Variants in OSGEP observed in about 807,000 individuals in gnomAD.
OSGEP encodes O-sialoglycoprotein endopeptidase, also known as tRNA N6-adenosine threonylcarbamoyltransferase.
A neutral mutation model predicts 44.1 loss-of-function variants in OSGEP; 39 were observed. The ratio of observed to expected loss-of-function variants is 0.88; its 90% CI spans 0.69 to 1.16. The LOEUF is 1.16. OSGEP is among the 50% of genes most tolerant of loss of function. OSGEP has a pLI of 0.00. For synonymous variants in OSGEP, 139 were observed against 161.9 expected, an observed-to-expected ratio of 0.86 and a Z score of 1.07; for missense variants, 403 against 443.1, an observed-to-expected ratio of 0.91 and a Z score of 0.81.
intron 1 of OSGEP, among the ~76,000 whole-genome samples, chr14:20,452,985 G>A (rs947752311): frequency 6.6e-6 from 1 of 152,146 alleles, no homozygotes; most frequent in Non-Finnish European, 1.5e-5. Flanking sequence ...TGGGATTACA[G>A]GCCTGAGCCA....
At chr14:20,447,343 C>T in intron 10 of OSGEP, 64 bp from the exon 11 acceptor site, 2 of 1,604,058 alleles carry the variant, frequency 1.2e-6, no homozygotes, top group African/African-American at 1.3e-5. Flanking sequence ...TCTTCTCTGC[C>T]CTCATGTTCC....
At position 20,454,738 on chromosome 14, in the gene OSGEP, G is replaced by C; in HGVS notation, c.-55C>G. 2 of 1,352,930 alleles carry C rather than the reference G, an allele frequency of 1.5e-6. No individual in the cohort carries two copies. Among genetic ancestry groups the C allele is most frequent in the Non-Finnish European group, 2.1e-6 (2 of 948,122 alleles). 83.8% of individuals were successfully genotyped at this position (1,352,930 alleles called of 1,614,324 possible). ...ACTCCTGGCAATGTCAGGAGCTGTG[G>C]AGGTCCTCACTAGTCCGCGCTGGGC... On this transcript the variant is annotated 5_prime_UTR_variant, in exon 1 of 11. Transcript: ENST00000206542.
At chr14:20,449,576 G>C in intron 3 of OSGEP, 2 of 307,602 alleles carry the variant, frequency 6.5e-6, no homozygotes, top group Non-Finnish European at 6.2e-6. Flanking sequence ...AGTCTTGATA[G>C]TAGGTAACCG....
Position 20,446,956 on chromosome 14 carries a change from AAAG to A in OSGEP, c.*281_*283del. 2.5e-6 allele frequency: 1 copy of A among 402,994 alleles called. No homozygotes were observed. 25.0% of individuals were successfully genotyped at this position (402,994 alleles called of 1,614,324 possible). On this transcript the variant is annotated 3_prime_UTR_variant, in exon 11 of 11. Transcript: ENST00000206542. ...GATTCCGTTTCTTAAAAAAAAAAAA[AAAG>A]ATACCTCATTCTTGGTTCCACAGCA... is the stretch of plus-strand genomic sequence containing the variant.
intron 3 of OSGEP, chr14:20,449,608 G>T (rs1306550373): frequency 2.2e-5 from 6 of 274,092 alleles, no homozygotes; most frequent in African/African-American, 6.6e-5. Context: ...TGGAGGCAGA[G>T]AACATGAATC....
At chr14:20,448,281 T>G (rs1881012118) in intron 6 of OSGEP, 110 bp from the exon 7 acceptor site, 1 of 852,148 alleles carries the variant, frequency 1.2e-6, no homozygotes, top group African/African-American at 1.6e-5. Flanking sequence ...CAATTCAAGT[T>G]ACCAGCACAT....
rs1183072003 is a variant in OSGEP at position 20,446,631 on chromosome 14, C to G, written c.*609G>C. 1 of 152,300 alleles carries G rather than the reference C, an allele frequency of 6.6e-6. No individual in the cohort carries two copies. The highest frequency in any genetic ancestry group is 2.4e-5 in the African/African-American group (1 of 41,428). The allele number at this position is 152,300 out of a possible 1,614,324, so 9.4% of individuals were successfully genotyped here. Reference sequence around the variant, plus strand: ...TTTACATTTTTCAAATAGATGGTGTCTTGCTATTTGCCCAGGCTGGGCTCA... The same window carrying G: ...TTTACATTTTTCAAATAGATGGTGTGTTGCTATTTGCCCAGGCTGGGCTCA... On this transcript the variant is annotated 3_prime_UTR_variant, in exon 11 of 11. Transcript: ENST00000206542.
At chr14:20,451,392 C>T (rs3120068) in intron 3 of OSGEP, 126,852 of 217,426 alleles carry the variant, frequency 0.58, 37,548 homozygotes, top group Middle Eastern at 0.61. Flanking sequence ...CCGCAACTTC[C>T]GCCTCCTGGG....
chr14:20,454,173 A>ATT (rs140663310), intron 1 of OSGEP, among the ~76,000 whole-genome samples: 88 of 151,822 alleles, frequency 5.8e-4, no homozygotes, highest in Non-Finnish European at 9.4e-4. Flanking sequence ...TCAAAAAATA[A>ATT]TTTTTTTTTA....
intron 6 of OSGEP, 94 bp downstream of exon 6, chr14:20,448,639 T>C: frequency 1.2e-6 from 1 of 851,354 alleles, no homozygotes; most frequent in Non-Finnish European, 2.0e-6. Flanking sequence ...GCTACATGAA[T>C]ATACTGAGCT....
At position 20,451,978 on chromosome 14, in the gene OSGEP, G is replaced by C; in HGVS notation, c.407C>G (p.Thr136Arg). 4 of 1,598,088 alleles carry C rather than the reference G, an allele frequency of 2.5e-6. No individual in the cohort carries two copies. The highest frequency in any genetic ancestry group is 1.7e-5 in the Admixed American group (1 of 58,070). The change falls in exon 3 of 11, where the codon ACG (threonine) becomes AGG (arginine). Residue 136 changes from threonine (T) to arginine (R), a missense_variant. Thr to Arg is a moderately conservative substitution (Grantham distance 71). Coordinates refer to ENST00000206542, the MANE Select transcript of OSGEP (RefSeq NM_017807.4). ...TGGGTAGAGCCCTCTAAATACCTGC[G>C]TATTTCCTCCACTCACATACAACAC... The part of the protein sequence containing the change: ...PTVLYVSGGN[T>R]QVIAYSEHRY...
In OSGEP at chr14:20,454,668, C is replaced by T; in HGVS notation, c.16G>A (p.Gly6Ser). The change falls in exon 1 of 11, where the codon GGT (glycine) becomes AGT (serine). Residue 6 changes from glycine (G) to serine (S), a missense_variant. Gly to Ser is a moderately conservative substitution (Grantham distance 56). Transcript: ENST00000206542. The stretch of plus-strand genomic sequence containing the variant: ...ATCTTATTGGCGCTGCCTTCAAAAC[C>T]CAGCACCGCCGGCATGGCGGAGGCT... MPAVLGFEGSANKIGV... is the reference protein window; with the variant it reads MPAVLSFEGSANKIGV... 6.2e-7 allele frequency: 1 copy of T among 1,613,800 alleles called. No homozygotes were observed. The highest frequency in any genetic ancestry group is 8.5e-7 in the Non-Finnish European group (1 of 1,179,744).
chr14:20,454,523 G>C, intron 1 of OSGEP, 46 bp downstream of exon 1: 1 of 1,260,104 alleles, frequency 7.9e-7, no homozygotes, highest in Non-Finnish European at 1.2e-6. Flanking sequence ...GGCTGATTCT[G>C]TGCGGGGAAG....
chr14:20,447,116 AC>A lies in OSGEP; in HGVS notation c.*123del. The A allele has an allele frequency of 1.2e-6, 1 of 805,656 alleles. No individual in the cohort carries two copies. Among genetic ancestry groups the A allele is most frequent in the South Asian group, 1.6e-5 (1 of 63,604 alleles). 49.9% of individuals were successfully genotyped at this position (805,656 alleles called of 1,614,324 possible). A position where few individuals can be genotyped will look rare whatever the true frequency, so the allele number is the denominator to read the frequency against. On this transcript the variant is annotated 3_prime_UTR_variant, in exon 11 of 11. Transcript: ENST00000206542. ...GAGTCATCCTGGGGTTCCATAAAGG[AC>A]CCCAAGCCTTGCTTGGAGTCTATAG...
intron 3 of OSGEP, chr14:20,451,407 A>G (rs1042451378): frequency 3.8e-5 from 8 of 208,348 alleles, no homozygotes; most frequent in Non-Finnish European, 8.1e-5. Context: ...CCTGGGTTCA[A>G]GTGATTCTCC....
chr14:20,453,454 T>C (rs1488647309), intron 1 of OSGEP, among the ~76,000 whole-genome samples: 4 of 151,948 alleles, frequency 2.6e-5, no homozygotes, highest in East Asian at 2.0e-4. Context: ...GCAACCTCTG[T>C]CTCCCGGGTT....
chr14:20,452,162 A>T lies in OSGEP; in HGVS notation c.236-13T>A. On this transcript the variant is annotated splice_polypyrimidine_tract_variant and intron_variant, in intron 2 of 10. Coordinates refer to ENST00000206542, the MANE Select transcript of OSGEP (RefSeq NM_017807.4). ...CCCATGCCAGGGCCTAGGGAGATAG[A>T]AATGGAAGTTATAATCCTAGAGATT... The T allele has an allele frequency of 6.2e-7, 1 of 1,600,082 alleles. No homozygotes were observed. Among genetic ancestry groups the T allele is most frequent in the Non-Finnish European group, 8.5e-7 (1 of 1,172,756 alleles).
At position 20,449,219 on chromosome 14, in the gene OSGEP, G is replaced by A. The variant is rs781305578; in HGVS notation, c.459C>T (p.Ile153=). ...CCAGACAATTACCCACTGCAATATCGATGGTTTCCCCAAAGATACGGTAAC... is the reference window on the plus strand; with the variant it reads ...CCAGACAATTACCCACTGCAATATCAATGGTTTCCCCAAAGATACGGTAAC... ...EHRYRIFGET[I]DIAVGNCLDR... The change falls in exon 4 of 11, where the codon ATC becomes ATT. Residue 153 remains isoleucine (I), a synonymous_variant. Coordinates refer to ENST00000206542, the MANE Select transcript of OSGEP (RefSeq NM_017807.4). 6 of 1,613,106 alleles carry A rather than the reference G, an allele frequency of 3.7e-6. No homozygotes were observed. Among genetic ancestry groups the A allele is most frequent in the Non-Finnish European group, 5.1e-6 (6 of 1,179,244 alleles).
chr14:20,448,164 G>C lies in OSGEP; in HGVS notation c.644C>G (p.Ala215Gly). The change falls in exon 7 of 11, where the codon GCC (alanine) becomes GGC (glycine). Residue 215 changes from alanine to glycine, a missense_variant. By Grantham distance (60) the Ala-to-Gly change is moderately conservative. Transcript: ENST00000206542. Reference protein sequence around the residue: ...SGILSFIEDVAHRMLATGECT... With the variant: ...SGILSFIEDVGHRMLATGECT... The stretch of plus-strand genomic sequence containing the variant: ...CTCGCCTGTGGCCAGCATCCGATGG[G>C]CTACATCCTACAATTAAAGGGAAAA... 1 of 1,611,894 alleles carries C rather than the reference G, an allele frequency of 6.2e-7. No homozygotes were observed. Among genetic ancestry groups the C allele is most frequent in the Non-Finnish European group, 8.5e-7 (1 of 1,177,928 alleles).
Sources: allele counts gnomAD v4.1 joint callset (sites outside exome capture counted in the v4.1 genomes callset), GRCh38; gene constraint gnomAD v4.1.1; transcripts MANE v1.5; gene names NCBI Gene and HGNC (gene_info 2026-07-23, HGNC 2026-07-21).